Variants in BMPR1B observed in about 807,000 individuals in gnomAD.
BMPR1B encodes bone morphogenetic protein receptor type 1B.
Under a neutral mutation model 59.1 loss-of-function variants are expected in BMPR1B, and 12 were observed. The ratio of observed to expected loss-of-function variants is 0.20; its 90% CI spans 0.13 to 0.33. The LOEUF is 0.33. Ranked by LOEUF, BMPR1B falls within the 10% of genes least tolerant of loss-of-function variation. The pLI, the probability that BMPR1B is intolerant of heterozygous loss-of-function variation, is 1.00. For missense variants in BMPR1B, 550 were observed against 610.9 expected (o/e 0.90, Z 1.05); for synonymous variants, 237 against 207.3 (o/e 1.14, Z -1.23).
At chr4:94,987,834 A>G (rs1290986365) in intron 2 of BMPR1B, among the ~76,000 whole-genome samples, 1 of 152,280 alleles carries the variant, frequency 6.6e-6, no homozygotes, top group Non-Finnish European at 1.5e-5. Context: ...GAATGAAAAT[A>G]TCCTTTAATG....
intron 1 of BMPR1B, among the ~76,000 whole-genome samples, chr4:94,860,119 G>C (rs1259536510): frequency 6.6e-6 from 1 of 152,012 alleles, no homozygotes; most frequent in East Asian, 1.9e-4. Context: ...CCCTAAACTG[G>C]GTGGAATTAC....
intron 3 of BMPR1B, among the ~76,000 whole-genome samples, chr4:95,025,596 T>C (rs1046146939): frequency 6.6e-6 from 1 of 152,232 alleles, no homozygotes; most frequent in East Asian, 1.9e-4. Context: ...AATTGTTTCA[T>C]AGTCTTCTTG....
chr4:95,139,883 C>T (rs189980360), intron 10 of BMPR1B, among the ~76,000 whole-genome samples: 29 of 152,280 alleles, frequency 1.9e-4, no homozygotes, highest in East Asian at 5.8e-4. Flanking sequence ...TTGCGCTTGC[C>T]GGGTGAGGCG....
chr4:95,087,458 C>T (rs1253451532), intron 3 of BMPR1B, among the ~76,000 whole-genome samples: 4 of 152,068 alleles, frequency 2.6e-5, no homozygotes, highest in African/African-American at 9.7e-5. Flanking sequence ...CAGCCAGGTG[C>T]AGTGGCTCAC....
chr4:94,953,628 G>C (rs1306365820), intron 2 of BMPR1B, among the ~76,000 whole-genome samples: 1 of 152,212 alleles, frequency 6.6e-6, no homozygotes, highest in African/African-American at 2.4e-5. Flanking sequence ...GAGATCCGCT[G>C]TTAGCGTGAT....
chr4:94,762,861 T>G (rs1721832002), intron 1 of BMPR1B, among the ~76,000 whole-genome samples: 1 of 151,096 alleles, frequency 6.6e-6, no homozygotes, highest in Non-Finnish European at 1.5e-5. Flanking sequence ...AGTTTTTGTT[T>G]TTTTTTTTTT....
At chr4:95,008,060 C>A (rs1048966620) in intron 3 of BMPR1B, among the ~76,000 whole-genome samples, 1 of 152,074 alleles carries the variant, frequency 6.6e-6, no homozygotes, top group Non-Finnish European at 1.5e-5. Flanking sequence ...ACTGAATTAT[C>A]ACATAAAAAT....
intron 1 of BMPR1B, among the ~76,000 whole-genome samples, chr4:94,833,769 A>G (rs1468135043): frequency 1.3e-5 from 2 of 152,202 alleles, no homozygotes; most frequent in Non-Finnish European, 2.9e-5. Flanking sequence ...TTCTTAGCAC[A>G]TAGGCAAAGG....
intron 3 of BMPR1B, among the ~76,000 whole-genome samples, chr4:94,996,575 C>T (rs1414936335): frequency 1.3e-5 from 2 of 152,134 alleles, no homozygotes; most frequent in African/African-American, 4.8e-5. Flanking sequence ...AATGTGGAAG[C>T]TGGGAATTGG....
intron 2 of BMPR1B, among the ~76,000 whole-genome samples, chr4:94,938,191 T>G (rs74337003): frequency 1.3e-5 from 2 of 152,250 alleles, no homozygotes; most frequent in Non-Finnish European, 2.9e-5. Context: ...AGTCCTCTTA[T>G]GTGTGTTTTG....
intron 9 of BMPR1B, among the ~76,000 whole-genome samples, chr4:95,130,397 T>G (rs1164661154): frequency 6.6e-6 from 1 of 152,196 alleles, no homozygotes; most frequent in Non-Finnish European, 1.5e-5. Flanking sequence ...TGTAGGAATC[T>G]TATCTGCAGG....
intron 7 of BMPR1B, 126 bp from the exon 8 acceptor site, chr4:95,124,857 T>C (rs1732788703): frequency 3.5e-6 from 3 of 857,222 alleles, no homozygotes; most frequent in Non-Finnish European, 5.5e-6. Context: ...GTAAAAAATA[T>C]GAAGCATTTA....
chr4:94,888,019 A>C (rs1727249587), intron 2 of BMPR1B, among the ~76,000 whole-genome samples: 1 of 152,044 alleles, frequency 6.6e-6, no homozygotes, highest in Non-Finnish European at 1.5e-5. Flanking sequence ...AAGGAAAATA[A>C]TTAGACTAGC....
At chr4:94,899,891 G>C (rs1727739282) in intron 2 of BMPR1B, among the ~76,000 whole-genome samples, 1 of 151,912 alleles carries the variant, frequency 6.6e-6, no homozygotes, top group Non-Finnish European at 1.5e-5. Context: ...CCCACACATG[G>C]TACAATTATA....
At chr4:95,016,264 T>G (rs548241575) in intron 3 of BMPR1B, among the ~76,000 whole-genome samples, 14 of 152,236 alleles carry the variant, frequency 9.2e-5, no homozygotes, top group South Asian at 2.1e-4. Context: ...TGATTTTTTT[T>G]TTGTTGTTAC....
intron 10 of BMPR1B, among the ~76,000 whole-genome samples, chr4:95,142,729 G>A (rs1734334633): frequency 6.6e-6 from 1 of 151,622 alleles, no homozygotes; most frequent in African/African-American, 2.4e-5. Flanking sequence ...ACAGCGGGCT[G>A]TGCTTAGGAC....
At chr4:94,949,022 A>C (rs1268006782) in intron 2 of BMPR1B, among the ~76,000 whole-genome samples, 1 of 152,304 alleles carries the variant, frequency 6.6e-6, no homozygotes, top group African/African-American at 2.4e-5. Flanking sequence ...TGTGCAGAAC[A>C]TGCAGGTTTG....
chr4:95,127,360 C>T (rs1176279459), intron 8 of BMPR1B, among the ~76,000 whole-genome samples: 1 of 152,036 alleles, frequency 6.6e-6, no homozygotes, highest in Non-Finnish European at 1.5e-5. Context: ...TAGGTCCTTA[C>T]ATGTTATAAT....
At chr4:94,980,151 T>C (rs2149086455) in intron 2 of BMPR1B, among the ~76,000 whole-genome samples, 2 of 152,358 alleles carry the variant, frequency 1.3e-5, no homozygotes, top group Middle Eastern at 6.8e-3. Context: ...ATTATTACTG[T>C]ACCTAAGAAA....
Sources: allele counts gnomAD v4.1 joint callset (sites outside exome capture counted in the v4.1 genomes callset), GRCh38; gene constraint gnomAD v4.1.1; transcripts MANE v1.5; gene names NCBI Gene and HGNC (gene_info 2026-07-23, HGNC 2026-07-21).